The following PTPA variants were observed in gnomAD, a reference collection of about 807,000 sequenced individuals.
The protein encoded by PTPA is protein phosphatase 2 phosphatase activator, also known as serine/threonine-protein phosphatase 2A activator.
Under a neutral mutation model 43.6 loss-of-function variants are expected in PTPA, and 13 were observed. The ratio of observed to expected loss-of-function variants is 0.30; its 90% CI spans 0.19 to 0.47. The LOEUF is 0.47. PTPA is among the 20% of genes least tolerant of loss of function. PTPA has a pLI of 0.99. For synonymous variants in PTPA, 172 were observed against 158.2 expected (o/e 1.09, Z -0.66); for missense variants, 329 against 411.9 (o/e 0.80, Z 1.74).
In PTPA at chr9:129,112,376, G is replaced by A. The variant is rs148052609; in HGVS notation, c.31+745G>A. On this transcript the variant is annotated intron_variant, in intron 1 of 9. Coordinates refer to ENST00000393370, the MANE Select transcript of PTPA (RefSeq NM_178000.3). Reference sequence around the variant, plus strand: ...GACCTACCTTGAACTAAGAAGGACTGGCCATAGATAACTTTTACATTCCCG... The same window carrying A: ...GACCTACCTTGAACTAAGAAGGACTAGCCATAGATAACTTTTACATTCCCG... Among the ~76,000 whole-genome samples, 84 of 152,318 alleles carry A rather than the reference G, an allele frequency of 5.5e-4. No homozygotes were observed. The East Asian group carries it at 7.9e-3, about 14-fold the overall frequency.
chr9:129,135,759 G>C (rs1440345258), intron 6 of PTPA, among the ~76,000 whole-genome samples: 2 of 152,360 alleles, frequency 1.3e-5, no homozygotes, highest in Admixed American at 1.3e-4. Context: ...AGCAGTGCTC[G>C]ATGCTTCACA....
chr9:129,136,985 G>A (rs17508888), intron 7 of PTPA, among the ~76,000 whole-genome samples: 15,567 of 152,226 alleles, frequency 0.1, 2,602 homozygotes, highest in African/African-American at 0.35. Flanking sequence ...TGTTATTATC[G>A]AGCTGTGTGC....
At chr9:129,113,660 C>G (rs1182815088) in intron 1 of PTPA, among the ~76,000 whole-genome samples, 2 of 152,084 alleles carry the variant, frequency 1.3e-5, no homozygotes, top group African/African-American at 4.8e-5. Flanking sequence ...ATCGCAGCTA[C>G]TCGGGAGGCT....
chr9:129,145,968 T>A (rs1004263589), intron 9 of PTPA, among the ~76,000 whole-genome samples: 3 of 152,108 alleles, frequency 2.0e-5, no homozygotes, highest in Non-Finnish European at 4.4e-5. Context: ...CTCCTGTGGC[T>A]CTGAGGGGGC....
intron 3 of PTPA, chr9:129,127,903 G>A: frequency 1.4e-5 from 15 of 1,105,718 alleles, no homozygotes; most frequent in Non-Finnish European, 1.9e-5. Flanking sequence ...TTATAATGCA[G>A]TGGCACGATG....
At chr9:129,144,275 T>C (rs1851127619) in intron 9 of PTPA, among the ~76,000 whole-genome samples, 1 of 151,848 alleles carries the variant, frequency 6.6e-6, no homozygotes, top group African/African-American at 2.4e-5. Flanking sequence ...CCGTGGGGGC[T>C]GAGCACAGGG....
At chr9:129,137,478 T>C in intron 7 of PTPA, 114 bp from the exon 8 acceptor site, 1 of 725,420 alleles carries the variant, frequency 1.4e-6, no homozygotes, top group Non-Finnish European at 2.3e-6. Context: ...AGGTGAGGTG[T>C]TGAGGGCACC....
intron 7 of PTPA, among the ~76,000 whole-genome samples, chr9:129,137,225 C>T (rs772613976): frequency 6.6e-6 from 1 of 152,212 alleles, no homozygotes; most frequent in Non-Finnish European, 1.5e-5. Flanking sequence ...TTCTCAGTGA[C>T]ACTGCGAAGG....
intron 9 of PTPA, chr9:129,143,702 T>C: frequency 2.3e-6 from 1 of 426,692 alleles, no homozygotes; most frequent in South Asian, 2.9e-5. Flanking sequence ...ATCCTGTGTT[T>C]AGGTTCCAGC....
intron 3 of PTPA, chr9:129,127,988 A>C (rs746692548): frequency 1.2e-5 from 16 of 1,341,638 alleles, no homozygotes; most frequent in Non-Finnish European, 1.5e-5. Flanking sequence ...TCATGAGGAA[A>C]AGGAGCAGGC....
chr9:129,142,652 C>G, intron 9 of PTPA, 100 bp downstream of exon 9: 1 of 1,559,962 alleles, frequency 6.4e-7, no homozygotes, highest in South Asian at 1.2e-5. Flanking sequence ...CTGCTTCCTC[C>G]TACCCCACTG....
At chr9:129,119,351 G>A (rs920996600) in intron 1 of PTPA, among the ~76,000 whole-genome samples, 3 of 151,524 alleles carry the variant, frequency 2.0e-5, no homozygotes, top group Admixed American at 1.3e-4. Context: ...TATAATTTAC[G>A]TGTCCGTGCT....
intron 8 of PTPA, chr9:129,138,148 GTC>G (rs983977617): frequency 5.2e-5 from 12 of 232,052 alleles, no homozygotes; most frequent in African/African-American, 2.5e-4. Flanking sequence ...GAAGGGACAC[GTC>G]TCTGTCAGTG....
intron 1 of PTPA, among the ~76,000 whole-genome samples, chr9:129,115,110 A>G (rs1198024809): frequency 2.0e-5 from 3 of 152,142 alleles, no homozygotes; most frequent in Non-Finnish European, 4.4e-5. Flanking sequence ...CTTTGCAGAG[A>G]ATGGTGATCT....
intron 4 of PTPA, 76 bp downstream of exon 4, chr9:129,129,186 G>A (rs1849782639): frequency 6.4e-7 from 1 of 1,563,940 alleles, no homozygotes; most frequent in African/African-American, 1.4e-5. Context: ...GGAAGGGCCT[G>A]CATTGTATAG....
At chr9:129,128,850 AG>A in intron 3 of PTPA, 134 bp from the exon 4 acceptor site, 2 of 1,034,622 alleles carry the variant, frequency 1.9e-6, no homozygotes, top group Non-Finnish European at 2.8e-6. Flanking sequence ...ACAGTGGGGA[AG>A]AAAGAGGGAT....
intron 1 of PTPA, among the ~76,000 whole-genome samples, chr9:129,115,315 A>G (rs1848794642): frequency 6.6e-6 from 1 of 152,186 alleles, no homozygotes; most frequent in Non-Finnish European, 1.5e-5. Flanking sequence ...CTTGCAGGAC[A>G]GGTGGGAGGA....
intron 9 of PTPA, chr9:129,143,468 C>T: frequency 1.4e-6 from 1 of 702,702 alleles, no homozygotes; most frequent in Non-Finnish European, 2.6e-6. Flanking sequence ...GAAGGGGCTG[C>T]TCCAGGTCTT....
rs747218028 is a variant in PTPA, at chr9:129,142,689, C to T, written c.894+137C>T. On this transcript the variant is annotated intron_variant, in intron 9 of 9. Transcript: ENST00000393370. The stretch of plus-strand genomic sequence containing the variant: ...TTTGCTCTGAATCTTAGGCCAGCCC[C>T]TCTGACACTTGGGGCCTCGGAATCT... 20 of 1,546,078 alleles carry T rather than the reference C, an allele frequency of 1.3e-5. No individual in the cohort carries two copies. In the East Asian group the frequency reaches 4.2e-4, roughly 32 times the overall value.
Sources: allele counts gnomAD v4.1 joint callset (sites outside exome capture counted in the v4.1 genomes callset), GRCh38; gene constraint gnomAD v4.1.1; transcripts MANE v1.5; gene names NCBI Gene and HGNC (gene_info 2026-07-23, HGNC 2026-07-21).